Variants in RIMKLB observed in about 807,000 individuals in gnomAD.
The protein encoded by RIMKLB is beta-citrylglutamate synthase B.
In RIMKLB, 7 loss-of-function variants were observed where a neutral mutation model predicts 32.0. The observed-to-expected ratio is 0.22, with a 90% CI of 0.12 to 0.41. RIMKLB has a LOEUF of 0.41. Among genes scored for constraint, RIMKLB ranks in the 10% least tolerant of loss-of-function variants. The pLI is 1.00. For missense variants in RIMKLB, 289 were observed against 498.7 expected (o/e 0.58, Z 4.00); for synonymous variants, 172 against 185.1 (o/e 0.93, Z 0.57).
chr12:8,768,231 G>A (rs145973600), intron 5 of RIMKLB, among the ~76,000 whole-genome samples: 203 of 152,332 alleles, frequency 1.3e-3, no homozygotes, highest in African/African-American at 3.8e-3. Flanking sequence ...CCTTTAGCCC[G>A]ATCAGGAGCA....
rs185380193 is a variant in RIMKLB at position 8,765,775 on chromosome 12, C to T, written c.698-7546C>T. Among the ~76,000 whole-genome samples, 914 of 152,018 alleles carry T rather than the reference C, an allele frequency of 6.0e-3. 7 individuals are homozygous for T. Among genetic ancestry groups the T allele is most frequent in the South Asian group, 0.015 (71 of 4,800 alleles). On this transcript the variant is annotated intron_variant, in intron 5 of 5. Coordinates refer to ENST00000535829, the MANE Select transcript of RIMKLB (RefSeq NM_001297776.2). ...GTTGGGGAAGAAGCTGGGGGGACAC[C>T]GGGATAGGGAGGTAGACTCTGAGGG...
In RIMKLB at chr12:8,743,500, C is replaced by T. The variant is rs114894078; in HGVS notation, c.176-6362C>T. Among the ~76,000 whole-genome samples the T allele has an allele frequency of 2.3e-3, 322 of 142,260 alleles. 10 individuals carry two copies. The highest frequency in any genetic ancestry group is 9.6e-3 in the African/African-American group (312 of 32,412). 93.3% of individuals were successfully genotyped at this position (142,260 alleles called of 152,430 possible). The stretch of plus-strand genomic sequence containing the variant: ...CTGAGAAGAAAACCACTGGTACTTA[C>T]TATTATTAAGAGTATAGCCAAACTG... On this transcript the variant is annotated intron_variant, in intron 2 of 5. Coordinates refer to ENST00000535829, the MANE Select transcript of RIMKLB (RefSeq NM_001297776.2).
intron 1 of RIMKLB, among the ~76,000 whole-genome samples, chr12:8,705,965 T>G (rs1229226401): frequency 6.6e-6 from 1 of 152,134 alleles, no homozygotes; most frequent in African/African-American, 2.4e-5. Context: ...TTCCTTTACT[T>G]AAGGTCAACT....
chr12:8,752,894 C>T (rs1318747974), intron 4 of RIMKLB, among the ~76,000 whole-genome samples: 1 of 152,060 alleles, frequency 6.6e-6, no homozygotes, highest in Non-Finnish European at 1.5e-5. Flanking sequence ...GCATCTGCCA[C>T]CACGCCCAGC....
intron 2 of RIMKLB, among the ~76,000 whole-genome samples, chr12:8,735,031 A>G (rs1946868968): frequency 6.6e-6 from 1 of 152,152 alleles, no homozygotes; most frequent in Non-Finnish European, 1.5e-5. Flanking sequence ...CGCTTCTGTC[A>G]TCTTCTGGAT....
chr12:8,671,436 G>A, the RIMKLB span, among the ~76,000 whole-genome samples: 2 of 151,896 alleles, frequency 1.3e-5, no homozygotes, highest in Non-Finnish European at 2.9e-5. Context: ...TTTTAGTAGA[G>A]ACAGGGTTTC....
upstream of RIMKLB, among the ~76,000 whole-genome samples, chr12:8,677,563 A>G (rs1365326907): frequency 6.6e-6 from 1 of 152,180 alleles, no homozygotes; most frequent in Non-Finnish European, 1.5e-5. Context: ...TTTGTGATAC[A>G]AAGCAGCCAG....
rs928760572 is a variant in RIMKLB at position 8,735,046 on chromosome 12, T to G, written c.176-14816T>G. Reference sequence around the variant, plus strand: ...CGCTTCTGTCATCTTCTGGATTATATTTCTTAAATTTCATCTAATAGGCAA... The same window carrying G: ...CGCTTCTGTCATCTTCTGGATTATAGTTCTTAAATTTCATCTAATAGGCAA... On this transcript the variant is annotated intron_variant, in intron 2 of 5. Coordinates refer to ENST00000535829, the MANE Select transcript of RIMKLB (RefSeq NM_001297776.2). 2.6e-5 allele frequency among the ~76,000 whole-genome samples: 4 copies of G among 152,302 alleles called. No individual in the cohort carries two copies. In the East Asian group the frequency reaches 7.7e-4, roughly 29 times the overall value.
At chr12:8,742,118 T>G (rs781777141) in intron 2 of RIMKLB, among the ~76,000 whole-genome samples, 2 of 151,720 alleles carry the variant, frequency 1.3e-5, no homozygotes, top group South Asian at 4.1e-4. Context: ...CAGGCTAGTC[T>G]CAAGCTCCTG....
chr12:8,716,217 T>C (rs1322847110), intron 2 of RIMKLB, among the ~76,000 whole-genome samples: 1 of 152,168 alleles, frequency 6.6e-6, no homozygotes, highest in Non-Finnish European at 1.5e-5. Flanking sequence ...AGTGTGTAGG[T>C]TGAAAAGGAT....
At chr12:8,678,617 T>C (rs954171576), upstream of RIMKLB, among the ~76,000 whole-genome samples, 1 of 152,212 alleles carries the variant, frequency 6.6e-6, no homozygotes, top group African/African-American at 2.4e-5. Flanking sequence ...CATGAGCCAC[T>C]GCGCCCAGTG....
intron 4 of RIMKLB, among the ~76,000 whole-genome samples, chr12:8,753,273 T>C (rs775168407): frequency 6.6e-6 from 1 of 152,336 alleles, no homozygotes; most frequent in African/African-American, 2.4e-5. Context: ...TAAGTCATAA[T>C]AGAATTACTT....
At chr12:8,750,120 C>T in intron 3 of RIMKLB, 28 bp downstream of exon 3, 1 of 1,372,912 alleles carries the variant, frequency 7.3e-7, no homozygotes, top group Non-Finnish European at 1.0e-6. Context: ...CATACATAGC[C>T]TGAATATTAA....
At chr12:8,753,173 C>T (rs1007654312) in intron 4 of RIMKLB, among the ~76,000 whole-genome samples, 15 of 152,216 alleles carry the variant, frequency 9.9e-5, no homozygotes, top group Admixed American at 9.2e-4. Context: ...TATTTGGCTT[C>T]TCCAGTAGAG....
chr12:8,677,396 C>T (rs774209015), upstream of RIMKLB, among the ~76,000 whole-genome samples: 3 of 152,118 alleles, frequency 2.0e-5, no homozygotes, highest in Non-Finnish European at 2.9e-5. Flanking sequence ...TCACACACAC[C>T]ACACCCTTAA....
At chr12:8,782,687 A>G (rs1951164504) in intron 7 of RIMKLB, among the ~76,000 whole-genome samples, 1 of 152,154 alleles carries the variant, frequency 6.6e-6, no homozygotes, top group South Asian at 2.1e-4. Flanking sequence ...AATGATAAGA[A>G]CATTAAATGT....
chr12:8,700,106 C>T (rs561619741), intron 1 of RIMKLB: 8 of 152,160 alleles, frequency 5.3e-5, no homozygotes, highest in African/African-American at 1.9e-4. Flanking sequence ...AAATTAGCCC[C>T]TTCTTTTTTC....
chr12:8,772,028 A>T (rs1047974970), intron 5 of RIMKLB, among the ~76,000 whole-genome samples: 7 of 152,160 alleles, frequency 4.6e-5, no homozygotes, highest in Admixed American at 2.6e-4. Context: ...AGCCGGAACT[A>T]TAGGCGCCTG....
chr12:8,749,023 A>G (rs772653669), intron 2 of RIMKLB, among the ~76,000 whole-genome samples: 2 of 152,198 alleles, frequency 1.3e-5, no homozygotes, highest in Non-Finnish European at 2.9e-5. Context: ...AATGTTCAAG[A>G]AACATTTATT....
Sources: allele counts gnomAD v4.1 joint callset (sites outside exome capture counted in the v4.1 genomes callset), GRCh38; gene constraint gnomAD v4.1.1; transcripts MANE v1.5; gene names NCBI Gene and HGNC (gene_info 2026-07-23, HGNC 2026-07-21).